The following RYR3 variants were observed in gnomAD, a reference collection of about 807,000 sequenced individuals.
The protein encoded by RYR3 is brain ryanodine receptor-calcium release channel.
RYR3 carries 207 observed loss-of-function variants against 584.3 expected under a neutral mutation model. That is an observed-to-expected ratio of 0.35 (90% CI 0.32 to 0.40). The LOEUF (loss-of-function observed/expected upper bound fraction) is 0.40, where lower values mean the gene tolerates loss of function less well. Ranked by LOEUF, RYR3 falls within the 10% of genes least tolerant of loss-of-function variation. The pLI, the probability that RYR3 is intolerant of heterozygous loss-of-function variation, is 1.00. For synonymous variants in RYR3, 2,416 were observed against 2,248.5 expected (o/e 1.07, Z -2.11); for missense variants, 5,616 against 6,089.2 (o/e 0.92, Z 2.59).
chr15:33,729,013 C>CCT lies in RYR3; in HGVS notation c.7195_7196dup (p.Asp2400Ter). ...TTTTTACCTGACCTAAGAGCTTCTG[C>CCT]CTCTCTAGATACAGTAAGTTGCAAA... On this transcript the variant is annotated frameshift_variant, in exon 47 of 104. Transcript: ENST00000634891. LOFTEE classifies it high-confidence loss of function. 6.2e-7 allele frequency: 1 copy of CCT among 1,613,678 alleles called. No homozygotes were observed. Among genetic ancestry groups the CCT allele is most frequent in the Non-Finnish European group, 8.5e-7 (1 of 1,179,750 alleles).
chr15:33,554,365 G>A (rs375497835), intron 10 of RYR3, among the ~76,000 whole-genome samples: 2 of 145,512 alleles, frequency 1.4e-5, no homozygotes, highest in Admixed American at 1.4e-4. Flanking sequence ...GTGCGATCTC[G>A]ACTCACTGCA....
intron 23 of RYR3, among the ~76,000 whole-genome samples, chr15:33,631,895 G>T (rs1247805874): frequency 6.6e-6 from 1 of 152,228 alleles, no homozygotes; most frequent in African/African-American, 2.4e-5. Context: ...GAGCCAAGCA[G>T]TGCCAGCTTT....
chr15:33,317,228 G>A (rs2676081), intron 1 of RYR3, among the ~76,000 whole-genome samples: 62,962 of 151,932 alleles, frequency 0.41, 14,661 homozygotes, highest in South Asian at 0.52. Flanking sequence ...TCAAAGCACT[G>A]GGGACCTGCT....
intron 86 of RYR3, 74 bp downstream of exon 86, chr15:33,831,165 G>A: frequency 1.4e-6 from 2 of 1,439,466 alleles, no homozygotes; most frequent in Non-Finnish European, 1.9e-6. Flanking sequence ...ATTCCCTACA[G>A]AATACTTGAT....
At chr15:33,835,939 T>C (rs2078015202) in intron 87 of RYR3, among the ~76,000 whole-genome samples, 1 of 152,160 alleles carries the variant, frequency 6.6e-6, no homozygotes, top group Admixed American at 6.5e-5. Flanking sequence ...GGTTTTGGTT[T>C]CATCATCTCT....
At chr15:33,669,857 G>GGGGGGGGGGGGGGGGGGGGT (rs1555401713) in intron 37 of RYR3, among the ~76,000 whole-genome samples, 1 of 60,254 alleles carries the variant, frequency 1.7e-5, no homozygotes, top group Non-Finnish European at 3.1e-5. Context: ...GGGGGGGGGG[G>GGGGGGGGGGGGGGGGGGGGT]GTGTGGGTGT....
chr15:33,653,348 C>T (rs1261245536), intron 32 of RYR3, among the ~76,000 whole-genome samples: 1 of 152,166 alleles, frequency 6.6e-6, no homozygotes, highest in Non-Finnish European at 1.5e-5. Flanking sequence ...TATCCACATT[C>T]CCTATGACTA....
In RYR3 at chr15:33,633,051, A is replaced by C; in HGVS notation, c.2970A>C (p.Ala990=). ...EILVDKLAEN[A]HNVWAKDRIK... is the part of the protein sequence containing the mutation. ...TAGTGGATAAGCTTGCAGAAAATGCACACAATGTTTGGGCAAAAGACAGAA... is the reference window on the plus strand; with the variant it reads ...TAGTGGATAAGCTTGCAGAAAATGCCCACAATGTTTGGGCAAAAGACAGAA... The change falls in exon 24 of 104, where the codon GCA becomes GCC. Residue 990 remains alanine, a synonymous_variant. Transcript: ENST00000634891. The C allele has an allele frequency of 6.2e-7, 1 of 1,614,076 alleles. No individual in the cohort carries two copies. The highest frequency in any genetic ancestry group is 8.5e-7 in the Non-Finnish European group (1 of 1,179,894).
Position 33,837,650 on chromosome 15 carries a change from C to T in RYR3, c.11670C>T (p.Thr3890=). The T allele has an allele frequency of 6.3e-7, 1 of 1,594,890 alleles. No individual in the cohort carries two copies. The highest frequency in any genetic ancestry group is 8.5e-7 in the Non-Finnish European group (1 of 1,169,878). Residue 3890 remains threonine (T), a synonymous_variant, in exon 89 of 104, where the codon ACC becomes ACT. Transcript: ENST00000634891. ...TCACAGGGAATGTGGTAAATGGCAC[C>T]ATTGGCAAGCAGATGGTTGACACAC... The part of the protein sequence containing the change: ...SLLEGNVVNG[T]IGKQMVDTLV...
At chr15:33,482,035 C>A (rs912923082) in intron 2 of RYR3, among the ~76,000 whole-genome samples, 1 of 151,972 alleles carries the variant, frequency 6.6e-6, no homozygotes, top group Admixed American at 6.5e-5. Context: ...TTTCAGTGCT[C>A]TTTTTTTCTC....
chr15:33,560,857 CTT>C (rs979488259), intron 10 of RYR3, among the ~76,000 whole-genome samples: 2 of 151,168 alleles, frequency 1.3e-5, no homozygotes, highest in Non-Finnish European at 2.9e-5. Flanking sequence ...TGGAAATAAT[CTT>C]TTTAAAAAAG....
At chr15:33,820,035 T>C (rs1044863923) in intron 77 of RYR3, among the ~76,000 whole-genome samples, 6 of 152,154 alleles carry the variant, frequency 3.9e-5, no homozygotes, top group Admixed American at 3.9e-4. Context: ...GGTGGATAGG[T>C]TCACACTGAC....
intron 1 of RYR3, among the ~76,000 whole-genome samples, chr15:33,354,027 C>T (rs1235300306): frequency 6.6e-6 from 1 of 152,214 alleles, no homozygotes; most frequent in Non-Finnish European, 1.5e-5. Flanking sequence ...GAAAGCTTGA[C>T]ATGACCTCTT....
chr15:33,795,742 G>A (rs1404143577), intron 67 of RYR3, among the ~76,000 whole-genome samples: 3 of 152,038 alleles, frequency 2.0e-5, no homozygotes, highest in Non-Finnish European at 4.4e-5. Context: ...TGTTGGCCAG[G>A]CTGGTCTCGA....
intron 67 of RYR3, among the ~76,000 whole-genome samples, chr15:33,794,345 A>AT (rs1191833500): frequency 0.14 from 17,982 of 128,464 alleles, 7 homozygotes; most frequent in East Asian, 0.21. Flanking sequence ...TTATATATAT[A>AT]AAAATATATA....
chr15:33,860,580 T>C lies in RYR3; in HGVS notation c.14300-15T>C, dbSNP rs1233061068. The C allele has an allele frequency of 8.4e-6, 13 of 1,551,062 alleles. No homozygotes were observed. Among genetic ancestry groups the C allele is most frequent in the Non-Finnish European group, 1.1e-5 (13 of 1,138,374 alleles). On this transcript the variant is annotated splice_polypyrimidine_tract_variant and intron_variant, in intron 100 of 103. Coordinates refer to ENST00000634891, the MANE Select transcript of RYR3 (RefSeq NM_001036.6). Reference sequence around the variant, plus strand: ...CACTACACAGATTGCTTTGTCTTTGTATTTAACATTCCAGGTCTTATTATT... The same window carrying C: ...CACTACACAGATTGCTTTGTCTTTGCATTTAACATTCCAGGTCTTATTATT...
Position 33,523,079 on chromosome 15 carries a change from A to G in RYR3, c.280-7513A>G, listed in dbSNP as rs183929617. On this transcript the variant is annotated intron_variant, in intron 3 of 103. Coordinates refer to ENST00000634891, the MANE Select transcript of RYR3 (RefSeq NM_001036.6). ...TGGGATGGGGACTTGGAGAAATTTT[A>G]TGTCTGCCTAAAGGATTGTAAATGC... Among the ~76,000 whole-genome samples the G allele has an allele frequency of 4.6e-3, 693 of 152,160 alleles. 3 individuals carry two copies. Among genetic ancestry groups the G allele is most frequent in the Middle Eastern group, 0.014 (4 of 294 alleles).
At chr15:33,846,662 C>G (rs1158647841) in intron 93 of RYR3, among the ~76,000 whole-genome samples, 1 of 152,146 alleles carries the variant, frequency 6.6e-6, no homozygotes, top group Non-Finnish European at 1.5e-5. Context: ...GCTGCAGAGA[C>G]CTTATGCCCT....
intron 14 of RYR3, among the ~76,000 whole-genome samples, chr15:33,582,394 C>T (rs768164123): frequency 2.6e-4 from 39 of 152,132 alleles, no homozygotes; most frequent in Admixed American, 1.4e-3. Flanking sequence ...GAAATCAGTC[C>T]GGACCTATTC....
Sources: gnomAD v4.1 joint callset for allele counts (sites outside exome capture counted in the v4.1 genomes callset) on GRCh38, gnomAD v4.1.1 for gene constraint, MANE v1.5 for transcripts, NCBI Gene and HGNC (gene_info 2026-07-23, HGNC 2026-07-21) for gene names.